EIF4E: variants seen among roughly 807,000 people sequenced by gnomAD.
EIF4E encodes the protein eIF-4F 25 kDa subunit.
For missense variants in EIF4E, 113 were observed against 265.6 expected (o/e 0.43, Z 3.99); for synonymous variants, 71 against 88.5 (o/e 0.80, Z 1.11).
intron 1 of EIF4E, among the ~76,000 whole-genome samples, chr4:98,908,319 C>T (rs767442146): frequency 4.6e-5 from 7 of 152,158 alleles, no homozygotes; most frequent in South Asian, 4.1e-4. Flanking sequence ...TTCCTGATGA[C>T]ACAAAAATAT....
intron 1 of EIF4E, among the ~76,000 whole-genome samples, chr4:98,920,219 A>G (rs558443220): frequency 6.6e-6 from 1 of 152,228 alleles, no homozygotes; most frequent in Non-Finnish European, 1.5e-5. Context: ...ACTCATGCTA[A>G]TTCAATCCTT....
intron 6 of EIF4E, among the ~76,000 whole-genome samples, chr4:98,881,977 T>C (rs1045465803): frequency 6.6e-6 from 1 of 152,154 alleles, no homozygotes; most frequent in East Asian, 1.9e-4. Context: ...AATGAGCACA[T>C]TTGAAAGCTG....
chr4:98,892,324 AAAACAAAAAAACAAAC>A (rs1157259553), intron 2 of EIF4E, among the ~76,000 whole-genome samples: 1 of 136,504 alleles, frequency 7.3e-6, no homozygotes, highest in Non-Finnish European at 1.6e-5. Flanking sequence ...TCCATCTCAA[AAAACAAAAAAACAAAC>A]AAAAAAAAAA....
chr4:98,895,935 C>T (rs1390896053), intron 2 of EIF4E, among the ~76,000 whole-genome samples: 4 of 152,156 alleles, frequency 2.6e-5, no homozygotes, highest in South Asian at 2.1e-4. Flanking sequence ...CAGTGGCTCA[C>T]GCCCGTAATC....
intron 3 of EIF4E, among the ~76,000 whole-genome samples, chr4:98,889,879 TAAAC>T (rs959053607): frequency 1.2e-4 from 18 of 152,258 alleles, no homozygotes; most frequent in Admixed American, 8.5e-4. Flanking sequence ...GAGTCCTGAA[TAAAC>T]AAAACTAGAG....
chr4:98,920,921 A>G (rs1457261546), intron 1 of EIF4E, among the ~76,000 whole-genome samples: 1 of 152,170 alleles, frequency 6.6e-6, no homozygotes, highest in East Asian at 1.9e-4. Flanking sequence ...GATGGACTTT[A>G]GTTTTGGTTG....
At chr4:98,922,618 T>C (rs1579187383) in intron 1 of EIF4E, among the ~76,000 whole-genome samples, 1 of 151,688 alleles carries the variant, frequency 6.6e-6, no homozygotes, top group Non-Finnish European at 1.5e-5. Flanking sequence ...GTACTTAACA[T>C]AGAATAAGTG....
chr4:98,884,771 T>C, intron 6 of EIF4E, 151 bp downstream of exon 6: 1 of 986,928 alleles, frequency 1.0e-6, no homozygotes, highest in Non-Finnish European at 1.5e-6. Context: ...GCGCACCAAT[T>C]GAGCCGTTCA....
At chr4:98,919,558 CTTTTTTT>C (rs532537834) in intron 1 of EIF4E, among the ~76,000 whole-genome samples, 5 of 131,888 alleles carry the variant, frequency 3.8e-5, no homozygotes, top group South Asian at 4.9e-4. Flanking sequence ...GATTCTTTTT[CTTTTTTT>C]TTTTTTTTTT....
At chr4:98,920,855 A>G (rs548693675) in intron 1 of EIF4E, among the ~76,000 whole-genome samples, 2 of 152,178 alleles carry the variant, frequency 1.3e-5, no homozygotes, top group African/African-American at 4.8e-5. Flanking sequence ...AGAATTTTAC[A>G]CTTATTTGTG....
chr4:98,901,006 T>C (rs1220321849), intron 2 of EIF4E, among the ~76,000 whole-genome samples: 1 of 152,222 alleles, frequency 6.6e-6, no homozygotes, highest in Non-Finnish European at 1.5e-5. Flanking sequence ...AATCTCTTTT[T>C]CCATGTTTTA....
chr4:98,914,528 T>C (rs1270910769), intron 1 of EIF4E, among the ~76,000 whole-genome samples: 1 of 151,738 alleles, frequency 6.6e-6, no homozygotes, highest in East Asian at 1.9e-4. Context: ...CTTAAATGTA[T>C]ATTACTAAGT....
chr4:98,910,839 CT>C (rs1034824298), intron 1 of EIF4E, among the ~76,000 whole-genome samples: 4 of 151,216 alleles, frequency 2.6e-5, no homozygotes, highest in Non-Finnish European at 2.9e-5. Flanking sequence ...AAGCAGTTCT[CT>C]TGCCTCAGCT....
intron 1 of EIF4E, among the ~76,000 whole-genome samples, chr4:98,923,487 A>G (rs1355191967): frequency 6.6e-6 from 1 of 151,256 alleles, no homozygotes; most frequent in Non-Finnish European, 1.5e-5. Flanking sequence ...TAATTTTTTA[A>G]TTTTTTGGAG....
chr4:98,905,971 A>G (rs1230388963), intron 1 of EIF4E, among the ~76,000 whole-genome samples: 1 of 152,210 alleles, frequency 6.6e-6, no homozygotes, highest in African/African-American at 2.4e-5. Context: ...GGTGTTTTCA[A>G]TAAATCTGAC....
Position 98,891,326 on chromosome 4 carries a change from T to G in EIF4E, c.132A>C (p.Ala44=), listed in dbSNP as rs1382708693. 6.2e-7 allele frequency: 1 copy of G among 1,612,086 alleles called. No homozygotes were observed. Among genetic ancestry groups the G allele is most frequent in the Non-Finnish European group, 8.5e-7 (1 of 1,179,504 alleles). The change falls in exon 3 of 7, where the codon GCA becomes GCC. Residue 44 remains alanine, a synonymous_variant. Transcript: ENST00000450253. ...TTTTATCATTTTTAAAAAACCAGAG[T>G]GCCCATCTAAAAATAAAAAATCAGT... is the stretch of plus-strand genomic sequence containing the variant. The part of the protein sequence containing the change: ...YIKHPLQNRW[A]LWFFKNDKSK...
intron 6 of EIF4E, among the ~76,000 whole-genome samples, chr4:98,883,539 C>A (rs957489757): frequency 6.6e-6 from 1 of 151,442 alleles, no homozygotes; most frequent in Admixed American, 6.6e-5. Flanking sequence ...GCTGGAACTA[C>A]AGGCGCCCGC....
Position 98,929,118 on chromosome 4 carries a change from A to C in EIF4E, c.-6T>G. 1 of 1,571,254 alleles carries C rather than the reference A, an allele frequency of 6.4e-7. No homozygotes were observed. Among genetic ancestry groups the C allele is most frequent in the Non-Finnish European group, 8.6e-7 (1 of 1,157,826 alleles). ...ACCGGTTCGACAGTCGCCATCTTAG[A>C]TCGATCTGATCGCACAACCGCTCCA... On this transcript the variant is annotated 5_prime_UTR_variant, in exon 1 of 7. Transcript: ENST00000450253.
intron 1 of EIF4E, among the ~76,000 whole-genome samples, chr4:98,925,423 T>C (rs989430461): frequency 6.6e-6 from 1 of 152,212 alleles, no homozygotes; most frequent in Non-Finnish European, 1.5e-5. Flanking sequence ...TTTCACAGAC[T>C]AATATTAAAC....
Sources: gnomAD v4.1 joint callset for allele counts (sites outside exome capture counted in the v4.1 genomes callset) on GRCh38, gnomAD v4.1.1 for gene constraint, MANE v1.5 for transcripts, NCBI Gene and HGNC (gene_info 2026-07-23, HGNC 2026-07-21) for gene names.